The following SGCE variants were observed in gnomAD, a reference collection of about 807,000 sequenced individuals.
The protein encoded by SGCE is epsilon-sarcoglycan.
Under a neutral mutation model 57.8 loss-of-function variants are expected in SGCE, and 26 were observed. The ratio of observed to expected loss-of-function variants is 0.45; its 90% CI spans 0.33 to 0.62. The LOEUF (loss-of-function observed/expected upper bound fraction) is 0.62. Ranked by LOEUF, SGCE falls within the 20% of genes least tolerant of loss-of-function variation. SGCE has a pLI of 0.02. For missense variants in SGCE, 468 were observed against 548.6 expected, an observed-to-expected ratio of 0.85 and a Z score of 1.47; for synonymous variants, 183 against 189.5, an observed-to-expected ratio of 0.97 and a Z score of 0.28.
intron 1 of SGCE, chr7:94,644,494 C>T: frequency 2.6e-6 from 1 of 381,664 alleles, no homozygotes; most frequent in South Asian, 2.2e-5. Context: ...TGCTGATGAG[C>T]TAATCAGAAT....
At chr7:94,600,882 CA>C in intron 6 of SGCE, 25 bp from the exon 7 acceptor site, 2 of 1,552,646 alleles carry the variant, frequency 1.3e-6, no homozygotes, top group Non-Finnish European at 1.8e-6. Flanking sequence ...GACAATTACA[CA>C]ACAAATTAAT....
At chr7:94,613,144 G>A (rs1166762995) in intron 5 of SGCE, among the ~76,000 whole-genome samples, 2 of 152,152 alleles carry the variant, frequency 1.3e-5, no homozygotes, top group Non-Finnish European at 2.9e-5. Flanking sequence ...CAGATGTCAT[G>A]CTCAGAAGCA....
At chr7:94,655,933 G>A (rs1453642679) in intron 1 of SGCE, 57 bp downstream of exon 1, 1 of 1,128,292 alleles carries the variant, frequency 8.9e-7, no homozygotes, top group African/African-American at 1.5e-5. Flanking sequence ...GAGCGGGGGA[G>A]GGGGAGGCGG....
intron 4 of SGCE, among the ~76,000 whole-genome samples, chr7:94,622,973 T>C (rs894273113): frequency 6.6e-6 from 1 of 152,136 alleles, no homozygotes; most frequent in Non-Finnish European, 1.5e-5. Context: ...AGACAGGCTC[T>C]CACCCTATCA....
chr7:94,615,132 G>A (rs950174799), intron 5 of SGCE, among the ~76,000 whole-genome samples: 3 of 152,142 alleles, frequency 2.0e-5, no homozygotes, highest in Non-Finnish European at 4.4e-5. Context: ...AGGCCAAGGC[G>A]GGTGGATCAT....
At chr7:94,654,786 C>A (rs1039427474) in intron 1 of SGCE, among the ~76,000 whole-genome samples, 2 of 152,190 alleles carry the variant, frequency 1.3e-5, no homozygotes, top group Non-Finnish European at 2.9e-5. Flanking sequence ...AGCAATGTTA[C>A]TAAAATGTGC....
chr7:94,616,839 A>C (rs1802004740), intron 5 of SGCE: 1 of 152,228 alleles, frequency 6.6e-6, no homozygotes, highest in Non-Finnish European at 1.5e-5. Context: ...GGCATTGCGT[A>C]CAATTTATAG....
At chr7:94,652,445 C>T (rs1266685732) in intron 1 of SGCE, among the ~76,000 whole-genome samples, 2 of 152,238 alleles carry the variant, frequency 1.3e-5, no homozygotes, top group South Asian at 4.1e-4. Context: ...GAATATTTGA[C>T]TTGGGAATTT....
intron 1 of SGCE, among the ~76,000 whole-genome samples, chr7:94,649,782 G>A (rs1042623855): frequency 1.3e-5 from 2 of 152,218 alleles, no homozygotes; most frequent in African/African-American, 4.8e-5. Context: ...GAGTGGAGGA[G>A]AAAGTTCTAA....
At chr7:94,607,556 G>A (rs1305499625) in intron 5 of SGCE, among the ~76,000 whole-genome samples, 1 of 152,004 alleles carries the variant, frequency 6.6e-6, no homozygotes, top group Non-Finnish European at 1.5e-5. Context: ...TCACATGACA[G>A]CATCATCAGA....
chr7:94,603,473 C>G, intron 5 of SGCE, 21 bp from the exon 6 acceptor site: 1 of 1,609,788 alleles, frequency 6.2e-7, no homozygotes, highest in East Asian at 2.2e-5. Context: ...GTGAAACTCT[C>G]AGGTTATCCT....
intron 9 of SGCE, among the ~76,000 whole-genome samples, chr7:94,593,514 T>C (rs1797980218): frequency 6.6e-6 from 1 of 151,982 alleles, no homozygotes; most frequent in African/African-American, 2.4e-5. Context: ...AAATTATTTT[T>C]TAGAAAATCA....
At chr7:94,645,874 G>T (rs997757274) in intron 1 of SGCE, among the ~76,000 whole-genome samples, 3 of 151,840 alleles carry the variant, frequency 2.0e-5, no homozygotes, top group African/African-American at 2.4e-5. Context: ...AAATACAATC[G>T]TTTTTAAAAA....
rs989440430 is a variant in SGCE, at chr7:94,599,604, G to GA, written c.1064+92dup. ...AAATAAACTATGAAAGATGACAAAT[G>GA]AAAAAAAGCTTGACACACATGTATG... On this transcript the variant is annotated intron_variant, in intron 8 of 10. Transcript: ENST00000648936. 60 of 977,816 alleles carry GA rather than the reference G, an allele frequency of 6.1e-5. No homozygotes were observed. In the Admixed American group the frequency reaches 1.0e-3, roughly 17 times the overall value. 60.6% of individuals were successfully genotyped at this position (977,816 alleles called of 1,614,324 possible). A position where few individuals can be genotyped will look rare whatever the true frequency, so the allele number is the denominator to read the frequency against.
chr7:94,595,506 C>A (rs1436974431), intron 9 of SGCE, among the ~76,000 whole-genome samples: 1 of 152,038 alleles, frequency 6.6e-6, no homozygotes, highest in Non-Finnish European at 1.5e-5. Flanking sequence ...GAAATGCATG[C>A]CCTTATAGGA....
rs1334027810 is a variant in SGCE, at chr7:94,603,397, C to T, written c.718G>A (p.Glu240Lys). The T allele has an allele frequency of 1.2e-6, 2 of 1,613,238 alleles. No individual in the cohort carries two copies. Among genetic ancestry groups the T allele is most frequent in the Non-Finnish European group, 1.7e-6 (2 of 1,179,400 alleles). The change falls in exon 6 of 11, where the codon GAA (glutamate) becomes AAA (lysine). Residue 240 changes from glutamate to lysine, a missense_variant. Physicochemically the swap from Glu to Lys is moderately conservative, Grantham distance 56. Coordinates refer to ENST00000648936, the MANE Select transcript of SGCE (RefSeq NM_003919.3). ...CATCTCAATTGATTCTGTGGATTTT[C>T]AACTTCTCGTAAACAAGAAGAAAAC... ...VPFSSCLREV[E>K]NPQNQLRCSQ...
chr7:94,593,234 C>A (rs1256690278), intron 9 of SGCE, among the ~76,000 whole-genome samples: 3 of 152,046 alleles, frequency 2.0e-5, no homozygotes, highest in Non-Finnish European at 4.4e-5. Flanking sequence ...TACAACCTAT[C>A]TCCTGTTTTG....
At chr7:94,649,982 C>T (rs1807658581) in intron 1 of SGCE, among the ~76,000 whole-genome samples, 1 of 152,080 alleles carries the variant, frequency 6.6e-6, no homozygotes, top group African/African-American at 2.4e-5. Context: ...CCTATATAAT[C>T]CACAAATTCA....
intron 8 of SGCE, 146 bp downstream of exon 8, chr7:94,599,551 T>C: frequency 1.4e-6 from 1 of 706,990 alleles, no homozygotes; most frequent in Non-Finnish European, 2.5e-6. Flanking sequence ...TAAATATCTC[T>C]ATTTAGAAAG....
Sources: allele counts gnomAD v4.1 joint callset (sites outside exome capture counted in the v4.1 genomes callset), GRCh38; gene constraint gnomAD v4.1.1; transcripts MANE v1.5; gene names NCBI Gene and HGNC (gene_info 2026-07-23, HGNC 2026-07-21).